The following ADCY10 variants were observed in gnomAD, a reference collection of about 807,000 sequenced individuals.
ADCY10 encodes adenylate cyclase 10.
Under a neutral mutation model 183.3 loss-of-function variants are expected in ADCY10, and 156 were observed. The ratio of observed to expected loss-of-function variants is 0.85; its 90% CI spans 0.75 to 0.97. The LOEUF is 0.97. Ranked by LOEUF, ADCY10 falls within the 50% of genes least tolerant of loss-of-function variation. The pLI is 0.00. For missense variants in ADCY10, 1,745 were observed against 1,934.3 expected (o/e 0.90, Z 1.84); for synonymous variants, 645 against 670.0 (o/e 0.96, Z 0.58).
At chr1:167,816,265 G>C (rs1381887056) in intron 31 of ADCY10, among the ~76,000 whole-genome samples, 2 of 152,088 alleles carry the variant, frequency 1.3e-5, no homozygotes, top group African/African-American at 4.8e-5. Context: ...AAAATTTTAG[G>C]TCAGGCACGG....
intron 18 of ADCY10, among the ~76,000 whole-genome samples, chr1:167,852,104 A>T (rs1665541101): frequency 6.6e-6 from 1 of 152,196 alleles, no homozygotes; most frequent in Admixed American, 6.5e-5. Flanking sequence ...CACAAAAGAC[A>T]CTGAAGGGTT....
chr1:167,897,997 CAAAAAAAAAAAAA>C (rs1163013935), intron 6 of ADCY10, among the ~76,000 whole-genome samples: 3 of 17,390 alleles, frequency 1.7e-4, no homozygotes, highest in Admixed American at 2.2e-3. Context: ...GACTCTGTCT[CAAAAAAAAAAAAA>C]AAAAAAAAAA....
At chr1:167,823,294 G>A (rs571433426) in intron 28 of ADCY10, among the ~76,000 whole-genome samples, 171 bp from the exon 29 acceptor site, 3 of 151,752 alleles carry the variant, frequency 2.0e-5, no homozygotes, top group Non-Finnish European at 4.4e-5. Flanking sequence ...GCATGGTGGC[G>A]GGCGCCTGTA....
chr1:167,833,045 C>T lies in ADCY10; in HGVS notation c.3535G>A (p.Glu1179Lys), dbSNP rs749299065. Residue 1179 changes from glutamate (E) to lysine (K), a missense_variant, in exon 25 of 33, where the codon GAG becomes AAG. Coordinates refer to ENST00000367851, the MANE Select transcript of ADCY10 (RefSeq NM_018417.6). ...ACATAATGAAAGTGTCTGTTTTTCTCGACATGGATATGGAGAAACAAGGAG... is the reference window on the plus strand; with the variant it reads ...ACATAATGAAAGTGTCTGTTTTTCTTGACATGGATATGGAGAAACAAGGAG... ...LISLFLHIHV[E>K]KNRHFHYVNR... The T allele has an allele frequency of 9.9e-6, 16 of 1,613,938 alleles. No individual in the cohort carries two copies. The highest frequency in any genetic ancestry group is 1.4e-5 in the Non-Finnish European group (16 of 1,180,020).
Position 167,829,328 on chromosome 1 carries a change from T to A in ADCY10, c.3689A>T (p.Tyr1230Phe). ...SYSYLFHCKY[Y>F]AHLAVMMQMN... ...TTGCATCATAACTGCCAGGTGGGCA[T>A]AATACTTGCAGTGAAAAAGATAACT... is the stretch of plus-strand genomic sequence containing the variant. The change falls in exon 26 of 33, where the codon TAT (tyrosine) becomes TTT (phenylalanine). Residue 1230 changes from tyrosine (Y) to phenylalanine (F), a missense_variant. By Grantham distance (22) the Tyr-to-Phe change is conservative. Coordinates refer to ENST00000367851, the MANE Select transcript of ADCY10 (RefSeq NM_018417.6). The A allele has an allele frequency of 6.2e-7, 1 of 1,614,134 alleles. No homozygotes were observed. The highest frequency in any genetic ancestry group is 1.7e-5 in the Admixed American group (1 of 60,020).
chr1:167,856,408 A>G lies in ADCY10; in HGVS notation c.1928T>C (p.Ile643Thr). 6.2e-7 allele frequency: 1 copy of G among 1,614,210 alleles called. No homozygotes were observed. The highest frequency in any genetic ancestry group is 8.5e-7 in the Non-Finnish European group (1 of 1,180,032). Residue 643 changes from isoleucine to threonine, a missense_variant, in exon 17 of 33, where the codon ATT (isoleucine) becomes ACT (threonine). Physicochemically the swap from Ile to Thr is moderately conservative, Grantham distance 89 (BLOSUM62 -1). Coordinates refer to ENST00000367851, the MANE Select transcript of ADCY10 (RefSeq NM_018417.6). Reference protein sequence around the residue: ...IVKEERIIFIIDEAQFVDSTS... With the variant: ...IVKEERIIFITDEAQFVDSTS... ...CGAATCCACAAACTGGGCCTCATCA[A>G]TGATAAAAATAATCCTTTCCTCTTT...
At chr1:167,868,912 G>A (rs1666888004) in intron 14 of ADCY10, among the ~76,000 whole-genome samples, 2 of 152,096 alleles carry the variant, frequency 1.3e-5, no homozygotes, top group Non-Finnish European at 2.9e-5. Flanking sequence ...AACCAGTCAA[G>A]CCTTGACTAT....
chr1:167,843,637 T>C (rs879847533), intron 21 of ADCY10, among the ~76,000 whole-genome samples: 5 of 152,182 alleles, frequency 3.3e-5, no homozygotes, highest in Admixed American at 3.3e-4. Flanking sequence ...CTTAAAATGG[T>C]TCCAGACTGG....
intron 13 of ADCY10, 139 bp downstream of exon 13, chr1:167,874,992 T>G: frequency 1.2e-6 from 1 of 807,940 alleles, no homozygotes; most frequent in Non-Finnish European, 2.1e-6. Context: ...ATTGCTATTT[T>G]TCTATTTCTT....
chr1:167,869,750 C>A (rs1054925535), intron 14 of ADCY10, among the ~76,000 whole-genome samples: 1 of 152,174 alleles, frequency 6.6e-6, no homozygotes, highest in Admixed American at 6.5e-5. Flanking sequence ...TGCAGACCCC[C>A]TTAGAGTTGT....
intron 28 of ADCY10, among the ~76,000 whole-genome samples, 166 bp from the exon 29 acceptor site, chr1:167,823,289 G>A (rs1192752652): frequency 2.6e-5 from 4 of 152,012 alleles, no homozygotes; most frequent in Non-Finnish European, 5.9e-5. Flanking sequence ...GCTGGGCATG[G>A]TGGCGGGCGC....
chr1:167,831,077 A>T (rs1203924435), intron 25 of ADCY10, among the ~76,000 whole-genome samples: 3 of 152,342 alleles, frequency 2.0e-5, no homozygotes, highest in African/African-American at 7.2e-5. Context: ...GTTAGGACTT[A>T]CTGAGGCTGT....
chr1:167,896,764 CAGAA>C lies in ADCY10; in HGVS notation c.643-77_643-74del, dbSNP rs1364336094. On this transcript the variant is annotated intron_variant, in intron 6 of 32. Coordinates refer to ENST00000367851, the MANE Select transcript of ADCY10 (RefSeq NM_018417.6). Reference sequence around the variant, plus strand: ...AATCCTTTGAAGTGTAATTTCTTAGCAGAAAGAGAGTATGCTTTTGACTGAACAG... The same window carrying C: ...AATCCTTTGAAGTGTAATTTCTTAGCAGAGAGTATGCTTTTGACTGAACAG... 4.7e-6 allele frequency: 5 copies of C among 1,069,306 alleles called. No homozygotes were observed. The Admixed American group carries it at 5.1e-5, about 11-fold the overall frequency. 66.2% of individuals were successfully genotyped at this position (1,069,306 alleles called of 1,614,324 possible).
At chr1:167,826,686 G>A (rs1467820110) in intron 26 of ADCY10, among the ~76,000 whole-genome samples, 2 of 152,192 alleles carry the variant, frequency 1.3e-5, no homozygotes, top group African/African-American at 4.8e-5. Flanking sequence ...AGCTGAAGAG[G>A]TCCTTGCTTC....
intron 7 of ADCY10, among the ~76,000 whole-genome samples, chr1:167,895,092 G>T (rs1326562711): frequency 6.6e-6 from 1 of 150,780 alleles, no homozygotes; most frequent in Non-Finnish European, 1.5e-5. Flanking sequence ...TGAGGCAGGA[G>T]AATCGCTTGA....
At chr1:167,904,064 G>T (rs1669642981) in intron 2 of ADCY10, 73 bp from the exon 3 acceptor site, 2 of 917,156 alleles carry the variant, frequency 2.2e-6, no homozygotes, top group Non-Finnish European at 3.5e-6. Flanking sequence ...GACTACCCTG[G>T]AAGGCAGCGG....
intron 14 of ADCY10, among the ~76,000 whole-genome samples, chr1:167,865,818 C>A (rs1666637103): frequency 2.0e-5 from 3 of 152,172 alleles, no homozygotes; most frequent in African/African-American, 7.2e-5. Context: ...AGGCCAGAGG[C>A]CCTCATTGTC....
At chr1:167,820,295 A>C (rs1662814373) in intron 30 of ADCY10, 1 of 1,306,998 alleles carries the variant, frequency 7.7e-7, no homozygotes, top group African/African-American at 1.5e-5. Flanking sequence ...CCGGCCGCCT[A>C]GCCAAGTCTC....
intron 30 of ADCY10, 136 bp from the exon 31 acceptor site, chr1:167,818,403 T>G (rs1662663203): frequency 2.5e-6 from 2 of 812,474 alleles, no homozygotes; most frequent in Non-Finnish European, 4.4e-6. Flanking sequence ...CTACCCCTGC[T>G]TCACACTCCC....
Sources: allele counts gnomAD v4.1 joint callset (sites outside exome capture counted in the v4.1 genomes callset), GRCh38; gene constraint gnomAD v4.1.1; transcripts MANE v1.5; gene names NCBI Gene and HGNC (gene_info 2026-07-23, HGNC 2026-07-21).